Variants in CRIPT observed in about 807,000 individuals in gnomAD.
CRIPT encodes the protein CXXC repeat containing interactor of PDZ3 domain.
Under a neutral mutation model 16.6 loss-of-function variants are expected in CRIPT, and 20 were observed. That is an observed-to-expected ratio of 1.20 (90% CI 0.85 to 1.75). The LOEUF is 1.75. Ranked by LOEUF, CRIPT falls within the 40% of genes most tolerant of loss-of-function variation. CRIPT has a pLI of 0.00. For synonymous variants in CRIPT, 42 were observed against 37.0 expected, an observed-to-expected ratio of 1.14 and a Z score of -0.49; for missense variants, 133 against 115.3, an observed-to-expected ratio of 1.15 and a Z score of -0.70.
rs1670930987 is a variant in CRIPT at position 46,626,031 on chromosome 2, A to G, written c.*1804A>G. Among the ~76,000 whole-genome samples the G allele has an allele frequency of 6.6e-6, 1 of 152,142 alleles. No homozygotes were observed. Among genetic ancestry groups the G allele is most frequent in the African/African-American group, 2.4e-5 (1 of 41,420 alleles). ...TTTGTGATGCTGAGGTTTGGGGTAC[A>G]AATGATCCTGTCACCCAGGTAGTGA... On this transcript the variant is annotated 3_prime_UTR_variant, in exon 5 of 5. Coordinates refer to ENST00000238892, the MANE Select transcript of CRIPT (RefSeq NM_014171.6).
intron 1 of CRIPT, among the ~76,000 whole-genome samples, chr2:46,618,337 T>G (rs1434330015): frequency 6.6e-6 from 1 of 152,142 alleles, no homozygotes; most frequent in Admixed American, 6.6e-5. Context: ...CAACTCCACC[T>G]TGTTCGCATA....
rs1162983781 is a variant in CRIPT, at chr2:46,625,468, T to G, written c.*1241T>G. On this transcript the variant is annotated 3_prime_UTR_variant, in exon 5 of 5. Coordinates refer to ENST00000238892, the MANE Select transcript of CRIPT (RefSeq NM_014171.6). ...CTTCAGAGGTTCAGGACTTCTGCTT[T>G]TAAAACCTGCAGCCTACCGTGGGAA... is the stretch of plus-strand genomic sequence containing the variant. The G allele has an allele frequency of 6.7e-6, 1 of 150,318 alleles. No homozygotes were observed. The highest frequency in any genetic ancestry group is 1.5e-5 in the Non-Finnish European group (1 of 67,738). 9.3% of individuals were successfully genotyped at this position (150,318 alleles called of 1,614,324 possible).
chr2:46,624,042 T>TG (rs199927517), intron 4 of CRIPT, 121 bp from the exon 5 acceptor site: 1 of 190,552 alleles, frequency 5.2e-6, no homozygotes. Flanking sequence ...TATATATATA[T>TG]TTTTTTTTTC....
Position 46,624,323 on chromosome 2 carries a change from G to C in CRIPT, c.*96G>C, listed in dbSNP as rs1670883062. ...CAACTTACAGAATAACATGTTTTAA[G>C]ATAATTAAGTTTAAACCAGAGAATT... On this transcript the variant is annotated 3_prime_UTR_variant, in exon 5 of 5. Transcript: ENST00000238892. The C allele has an allele frequency of 1.3e-6, 1 of 752,506 alleles. No individual in the cohort carries two copies. Among genetic ancestry groups the C allele is most frequent in the Admixed American group, 2.8e-5 (1 of 35,290 alleles). 46.6% of individuals were successfully genotyped at this position (752,506 alleles called of 1,614,324 possible). A position where few individuals can be genotyped will look rare whatever the true frequency, so the allele number is the denominator to read the frequency against.
In CRIPT at chr2:46,624,869, C is replaced by G. The variant is rs1190549240; in HGVS notation, c.*642C>G. On this transcript the variant is annotated 3_prime_UTR_variant, in exon 5 of 5. Transcript: ENST00000238892. The stretch of plus-strand genomic sequence containing the variant: ...ATAAATACACTGAATTTTAGAAAAA[C>G]ATATTACTTTGAATTCAAATTGTCA... 6.6e-6 allele frequency: 1 copy of G among 151,928 alleles called. No homozygotes were observed. The highest frequency in any genetic ancestry group is 2.4e-5 in the African/African-American group (1 of 41,352). 9.4% of individuals were successfully genotyped at this position (151,928 alleles called of 1,614,324 possible).
chr2:46,624,584 T>C lies in CRIPT; in HGVS notation c.*357T>C, dbSNP rs936731324. On this transcript the variant is annotated 3_prime_UTR_variant, in exon 5 of 5. Transcript: ENST00000238892. ...AGATAATAGATACTTTGCTCTGAAT[T>C]TGGCATCCAGAGTTAACATTTCTCC... The C allele has an allele frequency of 3.2e-5, 5 of 157,654 alleles. No homozygotes were observed. The highest frequency in any genetic ancestry group is 9.6e-5 in the African/African-American group (4 of 41,718). The allele number at this position is 157,654 out of a possible 1,614,324, so 9.8% of individuals were successfully genotyped here. A position where few individuals can be genotyped will look rare whatever the true frequency, so the allele number is the denominator to read the frequency against.
rs1329461684 is a variant in CRIPT at position 46,629,396 on chromosome 2, A to G, written c.*5169A>G. Among the ~76,000 whole-genome samples, 3 of 152,350 alleles carry G rather than the reference A, an allele frequency of 2.0e-5. No homozygotes were observed. The highest frequency in any genetic ancestry group is 2.4e-5 in the African/African-American group (1 of 41,584). The stretch of plus-strand genomic sequence containing the variant: ...TCAAGTTCAGAAATTTAACATTGCC[A>G]TAATACTTTACAGTCCATATTTCAA... On this transcript the variant is annotated 3_prime_UTR_variant, in exon 5 of 5. Transcript: ENST00000238892.
intron 3 of CRIPT, 105 bp downstream of exon 3, chr2:46,619,786 G>A (rs576267588): frequency 5.8e-6 from 5 of 856,600 alleles, no homozygotes; most frequent in Admixed American, 4.9e-5. Flanking sequence ...ATAAAACAGA[G>A]TTAGGTGGTT....
chr2:46,623,059 G>T (rs1206938222), intron 3 of CRIPT, among the ~76,000 whole-genome samples: 1 of 151,994 alleles, frequency 6.6e-6, no homozygotes, highest in Non-Finnish European at 1.5e-5. Flanking sequence ...TTTTTATATA[G>T]TGGAAGCCCT....
In CRIPT at chr2:46,629,232, C is replaced by T. The variant is rs1671015416; in HGVS notation, c.*5005C>T. 6.6e-6 allele frequency among the ~76,000 whole-genome samples: 1 copy of T among 152,144 alleles called. No homozygotes were observed. Among genetic ancestry groups the T allele is most frequent in the South Asian group, 2.1e-4 (1 of 4,830 alleles). On this transcript the variant is annotated 3_prime_UTR_variant, in exon 5 of 5. Transcript: ENST00000238892. Reference sequence around the variant, plus strand: ...CAGCCTTCGAATACCTTTTAACTCCCAGTTCCCTTAACTGGGGGTGTGTAT... The same window carrying T: ...CAGCCTTCGAATACCTTTTAACTCCTAGTTCCCTTAACTGGGGGTGTGTAT...
At position 46,629,277 on chromosome 2, in the gene CRIPT, T is replaced by G. The variant is rs1328476923; in HGVS notation, c.*5050T>G. On this transcript the variant is annotated 3_prime_UTR_variant, in exon 5 of 5. Transcript: ENST00000238892. ...GTGTATCCTAGAATCCTCGACCCAT[T>G]AGAAAGTATATTGTAGACATCATAC... 1.3e-5 allele frequency among the ~76,000 whole-genome samples: 2 copies of G among 152,154 alleles called. No individual in the cohort carries two copies. Among genetic ancestry groups the G allele is most frequent in the Non-Finnish European group, 2.9e-5 (2 of 68,034 alleles).
At position 46,618,406 on chromosome 2, in the gene CRIPT, A is replaced by C. The variant is rs190415588; in HGVS notation, c.17-367A>C. ...AGATTGCTGTTAAAGAAATTAGTGT[A>C]CTGTAATCCCTTTAAAATTGTGTCT... On this transcript the variant is annotated intron_variant, in intron 1 of 4. Transcript: ENST00000238892. Among the ~76,000 whole-genome samples the C allele has an allele frequency of 3.1e-4, 47 of 152,330 alleles. No homozygotes were observed. In the East Asian group the frequency reaches 7.1e-3, roughly 23 times the overall value.
chr2:46,618,441 C>T (rs73926534), intron 1 of CRIPT, among the ~76,000 whole-genome samples: 33 of 152,280 alleles, frequency 2.2e-4, no homozygotes, highest in African/African-American at 7.2e-4. Context: ...TGATTCATCA[C>T]TTCATTTTTC....
At chr2:46,623,972 C>A in intron 4 of CRIPT, 105 bp downstream of exon 4, 1 of 772,814 alleles carries the variant, frequency 1.3e-6, no homozygotes. Context: ...GTTAGCCAAA[C>A]ACTCTCTTTA....
rs1670892651 is a variant in CRIPT at position 46,624,729 on chromosome 2, C to G, written c.*502C>G. ...GCTGAATGGTTCTTTAGTTATTAAC[C>G]TAGACCCAAATCAAAGACCAGTTGG... On this transcript the variant is annotated 3_prime_UTR_variant, in exon 5 of 5. Coordinates refer to ENST00000238892, the MANE Select transcript of CRIPT (RefSeq NM_014171.6). 2.0e-5 allele frequency: 3 copies of G among 152,226 alleles called. No individual in the cohort carries two copies. The highest frequency in any genetic ancestry group is 1.9e-4 in the East Asian group (1 of 5,176). The allele number at this position is 152,226 out of a possible 1,614,324, so 9.4% of individuals were successfully genotyped here.
chr2:46,618,483 TGCTTA>T (rs1250887161), intron 1 of CRIPT, among the ~76,000 whole-genome samples: 1 of 152,218 alleles, frequency 6.6e-6, no homozygotes, highest in Non-Finnish European at 1.5e-5. Context: ...ACATGATAGA[TGCTTA>T]GTATATATTT....
Position 46,624,875 on chromosome 2 carries a change from A to G in CRIPT, c.*648A>G, listed in dbSNP as rs1214122264. The G allele has an allele frequency of 6.6e-6, 1 of 151,982 alleles. No individual in the cohort carries two copies. The highest frequency in any genetic ancestry group is 2.4e-5 in the African/African-American group (1 of 41,372). The allele number at this position is 151,982 out of a possible 1,614,324, so 9.4% of individuals were successfully genotyped here. A position where few individuals can be genotyped will look rare whatever the true frequency, so the allele number is the denominator to read the frequency against. On this transcript the variant is annotated 3_prime_UTR_variant, in exon 5 of 5. Transcript: ENST00000238892. Reference sequence around the variant, plus strand: ...ACACTGAATTTTAGAAAAACATATTACTTTGAATTCAAATTGTCATGAAAA... The same window carrying G: ...ACACTGAATTTTAGAAAAACATATTGCTTTGAATTCAAATTGTCATGAAAA...
In CRIPT at chr2:46,619,662, T is replaced by C; in HGVS notation, c.118T>C (p.Leu40=). The change falls in exon 3 of 5, where the codon TTG becomes CTG. Residue 40 remains leucine, a synonymous_variant. Coordinates refer to ENST00000238892, the MANE Select transcript of CRIPT (RefSeq NM_014171.6). The part of the protein sequence containing the change: ...GGRKLNENKA[L]TSKKARFDPY... ...AAGAAAGCTGAATGAAAATAAAGCT[T>C]TGACTTCAAAAAAAGCAAGGTGGGT... The C allele has an allele frequency of 6.2e-7, 1 of 1,612,048 alleles. No individual in the cohort carries two copies. Among genetic ancestry groups the C allele is most frequent in the Non-Finnish European group, 8.5e-7 (1 of 1,179,092 alleles).
At position 46,625,424 on chromosome 2, in the gene CRIPT, A is replaced by G. The variant is rs1046489369; in HGVS notation, c.*1197A>G. ...TTTTTAACACTACAGGTTTCAAATGAATACTTTTCTTATGTTGCCTTCAGA... is the reference window on the plus strand; with the variant it reads ...TTTTTAACACTACAGGTTTCAAATGGATACTTTTCTTATGTTGCCTTCAGA... On this transcript the variant is annotated 3_prime_UTR_variant, in exon 5 of 5. Transcript: ENST00000238892. The G allele has an allele frequency of 1.5e-5, 2 of 134,856 alleles. No homozygotes were observed. Among genetic ancestry groups the G allele is most frequent in the Non-Finnish European group, 3.1e-5 (2 of 64,496 alleles). The allele number at this position is 134,856 out of a possible 1,614,324, so 8.4% of individuals were successfully genotyped here.
Sources: allele counts gnomAD v4.1 joint callset (sites outside exome capture counted in the v4.1 genomes callset), GRCh38; gene constraint gnomAD v4.1.1; transcripts MANE v1.5; gene names NCBI Gene and HGNC (gene_info 2026-07-23, HGNC 2026-07-21).